GALNTL6: variants seen among roughly 807,000 people sequenced by gnomAD.
The protein encoded by GALNTL6 is polypeptide N-acetylgalactosaminyltransferase-like 6.
GALNTL6 carries 46 observed loss-of-function variants against 73.7 expected under a neutral mutation model. The observed-to-expected ratio is 0.62, with a 90% CI of 0.49 to 0.80. The LOEUF is 0.80. GALNTL6 is among the 30% of genes least tolerant of loss of function. The pLI is 0.00. For missense variants in GALNTL6, 604 were observed against 755.0 expected (o/e 0.80, Z 2.34); for synonymous variants, 259 against 263.7 (o/e 0.98, Z 0.17).
chr4:172,572,205 G>T (rs917530835), intron 5 of GALNTL6, among the ~76,000 whole-genome samples: 1 of 152,072 alleles, frequency 6.6e-6, no homozygotes, highest in African/African-American at 2.4e-5. Flanking sequence ...TCACAGTTCT[G>T]TCCACAGCAT....
At chr4:171,836,673 T>C (rs1363891285) in intron 2 of GALNTL6, among the ~76,000 whole-genome samples, 1 of 152,174 alleles carries the variant, frequency 6.6e-6, no homozygotes, top group Non-Finnish European at 1.5e-5. Context: ...TTTTCATTGT[T>C]TCATGTTAAC....
At chr4:172,887,902 G>A (rs1371385649) in intron 8 of GALNTL6, among the ~76,000 whole-genome samples, 1 of 152,128 alleles carries the variant, frequency 6.6e-6, no homozygotes, top group African/African-American at 2.4e-5. Context: ...TCTGACCGGT[G>A]TGAGATGGTA....
chr4:173,004,803 T>C (rs1008719442), intron 10 of GALNTL6, among the ~76,000 whole-genome samples: 4 of 152,142 alleles, frequency 2.6e-5, no homozygotes, highest in Non-Finnish European at 4.4e-5. Flanking sequence ...GCACAAAGGA[T>C]AGGACTGGTT....
At chr4:172,401,116 T>C (rs1744019766) in intron 5 of GALNTL6, among the ~76,000 whole-genome samples, 3 of 152,134 alleles carry the variant, frequency 2.0e-5, no homozygotes, top group African/African-American at 7.2e-5. Context: ...GTTTCATTAT[T>C]CCTTGTTAAC....
At chr4:171,957,242 A>G (rs1739078053) in intron 2 of GALNTL6, among the ~76,000 whole-genome samples, 1 of 152,248 alleles carries the variant, frequency 6.6e-6, no homozygotes, top group South Asian at 2.1e-4. Context: ...TAATTAAATC[A>G]TGTTAAATTA....
intron 5 of GALNTL6, among the ~76,000 whole-genome samples, chr4:172,558,207 T>C (rs1460164156): frequency 6.6e-6 from 1 of 152,152 alleles, no homozygotes; most frequent in Non-Finnish European, 1.5e-5. Flanking sequence ...GCCATTTGTG[T>C]GGGCAAGTGT....
chr4:172,478,885 C>T (rs567789120), intron 5 of GALNTL6, among the ~76,000 whole-genome samples: 9 of 151,940 alleles, frequency 5.9e-5, no homozygotes, highest in Admixed American at 2.0e-4. Context: ...AGAAGATGTA[C>T]AAATGGCCAA....
chr4:171,881,169 C>A (rs1179414435), intron 2 of GALNTL6, among the ~76,000 whole-genome samples: 1 of 152,140 alleles, frequency 6.6e-6, no homozygotes, highest in Non-Finnish European at 1.5e-5. Context: ...ATAAACCTGC[C>A]CATCAGAAGA....
chr4:172,031,186 T>C (rs189494324), intron 2 of GALNTL6, among the ~76,000 whole-genome samples: 1 of 151,298 alleles, frequency 6.6e-6, no homozygotes, highest in Non-Finnish European at 1.5e-5. Context: ...CATGACAACT[T>C]GGAGAATTTC....
chr4:172,362,810 C>T (rs1561046158), intron 5 of GALNTL6, among the ~76,000 whole-genome samples: 1 of 152,152 alleles, frequency 6.6e-6, no homozygotes, highest in African/African-American at 2.4e-5. Context: ...TCTTATGATT[C>T]CTCTTTCTTC....
intron 5 of GALNTL6, among the ~76,000 whole-genome samples, chr4:172,469,520 G>A (rs956768525): frequency 2.0e-5 from 3 of 152,140 alleles, no homozygotes; most frequent in Non-Finnish European, 2.9e-5. Flanking sequence ...AGCTACTTTG[G>A]AGGTTGAGGC....
chr4:172,901,406 C>T (rs1207985131), intron 8 of GALNTL6, among the ~76,000 whole-genome samples: 1 of 152,080 alleles, frequency 6.6e-6, no homozygotes, highest in Non-Finnish European at 1.5e-5. Context: ...CATTTTGGAA[C>T]ATTTTTCATC....
intron 5 of GALNTL6, among the ~76,000 whole-genome samples, chr4:172,457,102 A>G (rs1432774508): frequency 6.6e-6 from 1 of 152,162 alleles, no homozygotes; most frequent in Non-Finnish European, 1.5e-5. Context: ...CAGCCAAACT[A>G]AGCTTCATAA....
At chr4:172,239,846 C>G (rs759481211) in intron 3 of GALNTL6, among the ~76,000 whole-genome samples, 6 of 152,106 alleles carry the variant, frequency 3.9e-5, no homozygotes, top group Non-Finnish European at 7.4e-5. Context: ...CTGTTAAGTC[C>G]ATTTGATCAA....
intron 7 of GALNTL6, among the ~76,000 whole-genome samples, chr4:172,865,882 A>C (rs1408437208): frequency 6.6e-6 from 1 of 151,948 alleles, no homozygotes; most frequent in East Asian, 1.9e-4. Context: ...CCCAAACCGA[A>C]CTCATAATCT....
chr4:172,799,969 C>G (rs1740527806), intron 5 of GALNTL6, among the ~76,000 whole-genome samples: 1 of 152,170 alleles, frequency 6.6e-6, no homozygotes, highest in African/African-American at 2.4e-5. Flanking sequence ...CATACTACAA[C>G]ATGGATGAAC....
intron 5 of GALNTL6, among the ~76,000 whole-genome samples, chr4:172,471,913 A>T (rs1202964055): frequency 3.3e-5 from 5 of 152,316 alleles, no homozygotes; most frequent in Admixed American, 6.5e-5. Flanking sequence ...TCATTTACTT[A>T]GCCAACAATT....
chr4:172,742,197 T>G (rs1306931637), intron 5 of GALNTL6, among the ~76,000 whole-genome samples: 3 of 151,960 alleles, frequency 2.0e-5, no homozygotes, highest in Non-Finnish European at 2.9e-5. Context: ...AAAACTTTAT[T>G]CTTAAAGGGT....
At chr4:172,543,944 C>T (rs556889086) in intron 5 of GALNTL6, among the ~76,000 whole-genome samples, 6 of 152,222 alleles carry the variant, frequency 3.9e-5, no homozygotes, top group African/African-American at 1.4e-4. Context: ...TCACAACAAC[C>T]CTATGAAATA....
Sources: allele counts gnomAD v4.1 joint callset (sites outside exome capture counted in the v4.1 genomes callset), GRCh38; gene constraint gnomAD v4.1.1; transcripts MANE v1.5; gene names NCBI Gene and HGNC (gene_info 2026-07-23, HGNC 2026-07-21).